STK3: variants seen among roughly 807,000 people sequenced by gnomAD.
STK3 encodes the protein serine/threonine kinase 3.
In STK3, 41 loss-of-function variants were observed where a neutral mutation model predicts 58.0. The ratio of observed to expected loss-of-function variants is 0.71; its 90% confidence interval spans 0.55 to 0.92. The LOEUF is 0.92. Ranked by LOEUF, STK3 falls within the 40% of genes least tolerant of loss-of-function variation. The pLI is 0.00. For missense variants in STK3, 479 were observed against 602.7 expected (o/e 0.79, Z 2.15); for synonymous variants, 170 against 191.0 (o/e 0.89, Z 0.91).
At chr8:98,702,444 CA>C (rs771283451) in intron 6 of STK3, among the ~76,000 whole-genome samples, 77 of 152,276 alleles carry the variant, frequency 5.1e-4, no homozygotes, top group Non-Finnish European at 4.4e-4. Flanking sequence ...ATATGTCCTA[CA>C]AAAACCTTAA....
chr8:98,701,615 T>C (rs1267344659), intron 6 of STK3, among the ~76,000 whole-genome samples: 3 of 143,952 alleles, frequency 2.1e-5, no homozygotes, highest in African/African-American at 8.4e-5. Flanking sequence ...GAGCGAGACT[T>C]TGTCTCAAAA....
the STK3 span, among the ~76,000 whole-genome samples, chr8:98,357,930 C>T: frequency 6.6e-6 from 1 of 152,160 alleles, no homozygotes; most frequent in Non-Finnish European, 1.5e-5. Context: ...TGGGGCTCAG[C>T]TTCAGCTACT....
At chr8:98,538,138 A>C (rs1176904294) in intron 9 of STK3, among the ~76,000 whole-genome samples, 2 of 152,236 alleles carry the variant, frequency 1.3e-5, no homozygotes, top group African/African-American at 2.4e-5. Context: ...TGTCAACATC[A>C]AAAAGATTTA....
At chr8:98,726,438 T>C (rs1252159245) in intron 4 of STK3, among the ~76,000 whole-genome samples, 1 of 152,228 alleles carries the variant, frequency 6.6e-6, no homozygotes, top group Non-Finnish European at 1.5e-5. Context: ...TGGCAGCACA[T>C]GACTGCCATG....
At chr8:98,630,812 A>C (rs544895517) in intron 6 of STK3, among the ~76,000 whole-genome samples, 105 of 151,946 alleles carry the variant, frequency 6.9e-4, no homozygotes, top group Middle Eastern at 3.4e-3. Context: ...AAGAGGAAGA[A>C]GAAGAAGAAG....
At chr8:98,446,864 A>C (rs530873790) in intron 1 of STK3, among the ~76,000 whole-genome samples, 38 of 152,316 alleles carry the variant, frequency 2.5e-4, no homozygotes, top group African/African-American at 9.1e-4. Context: ...CAGACTGGAC[A>C]AAGAAAATAC....
At chr8:98,442,203 A>C (rs1208322513) in intron 1 of STK3, among the ~76,000 whole-genome samples, 1 of 152,146 alleles carries the variant, frequency 6.6e-6, no homozygotes, top group Non-Finnish European at 1.5e-5. Context: ...CCACTGCCCT[A>C]TCATAATTCA....
the STK3 span, among the ~76,000 whole-genome samples, chr8:98,365,052 A>C: frequency 6.6e-6 from 1 of 152,082 alleles, no homozygotes; most frequent in South Asian, 2.1e-4. Context: ...GAGCCTCACC[A>C]TCCCGGTGCA....
downstream of STK3, among the ~76,000 whole-genome samples, chr8:98,397,287 G>A (rs967558061): frequency 1.3e-5 from 2 of 152,210 alleles, no homozygotes; most frequent in Admixed American, 6.5e-5. Flanking sequence ...CCAGCACTTT[G>A]GGAGGCCAAG....
intron 6 of STK3, among the ~76,000 whole-genome samples, chr8:98,621,335 A>G (rs1284097615): frequency 6.6e-6 from 1 of 152,224 alleles, no homozygotes; most frequent in Non-Finnish European, 1.5e-5. Context: ...GTAGAAAATC[A>G]TATCATCTAC....
At chr8:98,652,268 G>A (rs1269268375) in intron 6 of STK3, among the ~76,000 whole-genome samples, 1 of 152,096 alleles carries the variant, frequency 6.6e-6, no homozygotes, top group Non-Finnish European at 1.5e-5. Flanking sequence ...ATCCTTTACA[G>A]AAAAGCAAAT....
chr8:98,692,085 C>T (rs1410589370), intron 6 of STK3, among the ~76,000 whole-genome samples: 1 of 152,142 alleles, frequency 6.6e-6, no homozygotes, highest in Admixed American at 6.5e-5. Context: ...CCACTTCACT[C>T]CCATTACTAT....
At chr8:98,505,662 G>A (rs772801436) in intron 10 of STK3, among the ~76,000 whole-genome samples, 4 of 152,174 alleles carry the variant, frequency 2.6e-5, no homozygotes, top group Non-Finnish European at 5.9e-5. Flanking sequence ...TCAGCTGCAG[G>A]TCTGTTGGAG....
In STK3 at chr8:98,795,129, T is replaced by TATATATATAC. The variant is rs1288218080; in HGVS notation, c.27-20311_27-20310insGTATATATAT. 1.5e-3 allele frequency among the ~76,000 whole-genome samples: 148 copies of TATATATATAC among 95,876 alleles called. 1 individual carries two copies. Among genetic ancestry groups the TATATATATAC allele is most frequent in the African/African-American group, 5.8e-3 (141 of 24,108 alleles). The allele number at this position is 95,876 out of a possible 152,430, so 62.9% of individuals were successfully genotyped here. On this transcript the variant is annotated intron_variant, in intron 1 of 10. Transcript: ENST00000419617. ...ATATATATATATATATATATATATA[T>TATATATATAC]ACATACTAGTACACCAAATCCAGCA... is the stretch of plus-strand genomic sequence containing the variant.
chr8:98,826,388 C>T (rs76416678), upstream of STK3, among the ~76,000 whole-genome samples: 2,154 of 152,278 alleles, frequency 0.014, 47 homozygotes, highest in Non-Finnish European at 0.017. Context: ...ACAAGCTCCT[C>T]GCTACATTTC....
At chr8:98,542,169 G>A (rs570282328) in intron 9 of STK3, among the ~76,000 whole-genome samples, 1 of 152,240 alleles carries the variant, frequency 6.6e-6, no homozygotes, top group Non-Finnish European at 1.5e-5. Flanking sequence ...AGCTCAATTA[G>A]TAACAGCTAT....
intron 10 of STK3, among the ~76,000 whole-genome samples, chr8:98,479,187 A>G (rs1330400817): frequency 6.6e-6 from 1 of 151,026 alleles, no homozygotes; most frequent in Non-Finnish European, 1.5e-5. Context: ...CTTGACAGGC[A>G]GTTAAAAGAC....
intron 3 of STK3, among the ~76,000 whole-genome samples, chr8:98,837,973 A>G (rs1263651414): frequency 6.6e-6 from 1 of 151,864 alleles, no homozygotes; most frequent in African/African-American, 2.4e-5. Context: ...TCACACCTAT[A>G]ATCCCAGCAC....
At chr8:98,792,675 T>C (rs1688714832) in intron 1 of STK3, among the ~76,000 whole-genome samples, 1 of 152,164 alleles carries the variant, frequency 6.6e-6, no homozygotes, top group African/African-American at 2.4e-5. Flanking sequence ...CACTCCAGCC[T>C]GGGCAACAAC....
Sources: gnomAD v4.1 joint callset for allele counts (sites outside exome capture counted in the v4.1 genomes callset) on GRCh38, gnomAD v4.1.1 for gene constraint, MANE v1.5 for transcripts, NCBI Gene and HGNC (gene_info 2026-07-23, HGNC 2026-07-21) for gene names.